LIPA: variants seen among roughly 807,000 people sequenced by gnomAD.
LIPA encodes the protein lysosomal acid lipase/cholesteryl ester hydrolase.
A neutral mutation model predicts 40.6 loss-of-function variants in LIPA; 26 were observed. That is an observed-to-expected ratio of 0.64 (90% CI 0.47 to 0.89). LIPA has a LOEUF of 0.89. Ranked by LOEUF, LIPA falls within the 40% of genes least tolerant of loss-of-function variation. LIPA has a pLI of 0.00. For synonymous variants in LIPA, 188 were observed against 168.4 expected, an observed-to-expected ratio of 1.12 and a Z score of -0.90; for missense variants, 455 against 479.6, an observed-to-expected ratio of 0.95 and a Z score of 0.48.
At chr10:89,249,122 C>T (rs2250644) in intron 1 of LIPA, among the ~76,000 whole-genome samples, 57,409 of 151,826 alleles carry the variant, frequency 0.38, 11,158 homozygotes, top group South Asian at 0.52. Context: ...TATACGTCAG[C>T]ATTTAAATTT....
chr10:89,222,989 CA>C (rs1481612038), intron 7 of LIPA, among the ~76,000 whole-genome samples: 2 of 151,936 alleles, frequency 1.3e-5, no homozygotes, highest in Non-Finnish European at 2.9e-5. Context: ...TGCCACATGA[CA>C]AACTAACAAA....
intron 1 of LIPA, among the ~76,000 whole-genome samples, chr10:89,264,918 T>G (rs1054619643): frequency 6.6e-6 from 1 of 152,172 alleles, no homozygotes; most frequent in African/African-American, 2.4e-5. Context: ...CCACGGCCCC[T>G]GGGCTGTTTG....
chr10:89,363,776 A>AAT (rs1464680639), intron 2 of LIPA, among the ~76,000 whole-genome samples: 2 of 106,242 alleles, frequency 1.9e-5, no homozygotes, highest in African/African-American at 5.7e-5. Context: ...GACTCCATCA[A>AAT]AAAAAAAAAA....
At chr10:89,376,234 A>G (rs1386336867) in intron 2 of LIPA, among the ~76,000 whole-genome samples, 2 of 150,924 alleles carry the variant, frequency 1.3e-5, no homozygotes, top group Non-Finnish European at 1.5e-5. Context: ...GAGGTCCAGC[A>G]CATTCTTCTA....
intron 1 of LIPA, chr10:89,306,718 C>T (rs1356968598): frequency 6.2e-7 from 1 of 1,614,004 alleles, no homozygotes; most frequent in Non-Finnish European, 8.5e-7. Flanking sequence ...GCAGTGCAGC[C>T]AAGTTTTATC....
At chr10:89,383,237 T>A in intron 2 of LIPA, 1 of 1,218,922 alleles carries the variant, frequency 8.2e-7, no homozygotes, top group South Asian at 1.4e-5. Flanking sequence ...TAGAGCATAT[T>A]TGACTATTTG....
intron 2 of LIPA, among the ~76,000 whole-genome samples, chr10:89,366,262 G>A (rs1277183339): frequency 1.3e-5 from 2 of 152,120 alleles, no homozygotes; most frequent in Non-Finnish European, 2.9e-5. Flanking sequence ...TGTTATTGGT[G>A]TATAGGAATG....
At chr10:89,262,268 C>A (rs11203054) in intron 1 of LIPA, among the ~76,000 whole-genome samples, 3,264 of 152,132 alleles carry the variant, frequency 0.021, 55 homozygotes, top group Non-Finnish European at 0.037. Flanking sequence ...CAGTGGCAAG[C>A]TACTATGCAG....
chr10:89,338,778 G>C, intron 1 of LIPA: 1 of 1,614,118 alleles, frequency 6.2e-7, no homozygotes, highest in Non-Finnish European at 8.5e-7. Context: ...TGTGTAACCA[G>C]ATTGAATTTT....
intron 1 of LIPA, chr10:89,327,808 T>G (rs76000714): frequency 6.3e-6 from 3 of 477,142 alleles, no homozygotes; most frequent in African/African-American, 2.0e-5. Flanking sequence ...TAACGTACTC[T>G]GGCTCAGCCA....
chr10:89,383,475 A>C, intron 2 of LIPA: 1 of 1,614,248 alleles, frequency 6.2e-7, no homozygotes. Flanking sequence ...ATGTGGGAAT[A>C]CACAACCTAC....
At chr10:89,380,283 C>G (rs1045854319) in intron 2 of LIPA, among the ~76,000 whole-genome samples, 2 of 152,096 alleles carry the variant, frequency 1.3e-5, no homozygotes, top group South Asian at 4.1e-4. Flanking sequence ...GCAGATTGAG[C>G]TCCTCCTTCC....
chr10:89,287,416 C>CT (rs1448269206), intron 1 of LIPA, among the ~76,000 whole-genome samples: 1 of 152,126 alleles, frequency 6.6e-6, no homozygotes, highest in Non-Finnish European at 1.5e-5. Context: ...TTTATGCACC[C>CT]TTTTTTAATT....
intron 2 of LIPA, among the ~76,000 whole-genome samples, chr10:89,392,080 G>A (rs1844259706): frequency 6.6e-6 from 1 of 152,102 alleles, no homozygotes; most frequent in South Asian, 2.1e-4. Flanking sequence ...GGCTTTCTAG[G>A]TATTGGTCTC....
chr10:89,348,828 T>C (rs1163488286), intron 2 of LIPA, among the ~76,000 whole-genome samples: 1 of 152,186 alleles, frequency 6.6e-6, no homozygotes, highest in African/African-American at 2.4e-5. Context: ...GGCAGGCCAC[T>C]AAGAAGGAGT....
intron 3 of LIPA, among the ~76,000 whole-genome samples, chr10:89,232,641 G>T (rs1194128724): frequency 6.6e-6 from 1 of 152,188 alleles, no homozygotes; most frequent in Non-Finnish European, 1.5e-5. Flanking sequence ...GAAGGAGGGT[G>T]ATATGTGGCA....
At chr10:89,327,503 A>G (rs1843611248) in intron 1 of LIPA, among the ~76,000 whole-genome samples, 1 of 152,208 alleles carries the variant, frequency 6.6e-6, no homozygotes, top group South Asian at 2.1e-4. Context: ...GTGAGACGCA[A>G]TCATGCCACT....
intron 2 of LIPA, among the ~76,000 whole-genome samples, chr10:89,359,727 G>A (rs774712921): frequency 3.3e-5 from 5 of 152,082 alleles, no homozygotes; most frequent in Non-Finnish European, 5.9e-5. Flanking sequence ...AGGAAAACAC[G>A]TGTCACCTAA....
At chr10:89,414,480 C>T (rs1274106153) in exon 1 of LIPA, 1 of 352,742 alleles carries the variant, frequency 2.8e-6, no homozygotes, top group Non-Finnish European at 5.1e-6. Flanking sequence ...AGACCCTGGA[C>T]TCCGCAAACG....
Sources: allele counts gnomAD v4.1 joint callset (sites outside exome capture counted in the v4.1 genomes callset), GRCh38; gene constraint gnomAD v4.1.1; transcripts MANE v1.5; gene names NCBI Gene and HGNC (gene_info 2026-07-23, HGNC 2026-07-21).